The following SOX6 variants were observed in gnomAD, a reference collection of about 807,000 sequenced individuals.
SOX6 encodes the protein transcription factor SOX-6.
SOX6 carries 11 observed loss-of-function variants against 97.8 expected under a neutral mutation model. The ratio of observed to expected loss-of-function variants is 0.11; its 90% CI spans 0.07 to 0.19. The LOEUF (loss-of-function observed/expected upper bound fraction) is 0.19, where lower values mean the gene tolerates loss of function less well. Ranked by LOEUF, SOX6 falls within the 10% of genes least tolerant of loss-of-function variation. SOX6 has a pLI of 1.00. For missense variants in SOX6, 810 were observed against 1,039.5 expected, an observed-to-expected ratio of 0.78 and a Z score of 3.04; for synonymous variants, 360 against 371.4, an observed-to-expected ratio of 0.97 and a Z score of 0.35.
chr11:16,045,819 A>C (rs1210663503), intron 12 of SOX6, among the ~76,000 whole-genome samples: 1 of 152,186 alleles, frequency 6.6e-6, no homozygotes, highest in African/African-American at 2.4e-5. Context: ...TGCCAGCCCT[A>C]TAACACCCTA....
rs1282267718 is a variant in SOX6 at position 16,620,275 on chromosome 11, T to C, written n.430-8015A>G. On this transcript the variant is annotated intron_variant and non_coding_transcript_variant, in intron 3 of 5. Coordinates refer to the SOX6 transcript ENST00000524520. ...GTTTGTTTCTATTCTCTTTTTAAAA[T>C]AGCTTTTGTTAGAATAACATTTTAT... 3.9e-5 allele frequency among the ~76,000 whole-genome samples: 6 copies of C among 152,236 alleles called. No homozygotes were observed. In the East Asian group the frequency reaches 9.6e-4, roughly 24 times the overall value.
intron 1 of SOX6, among the ~76,000 whole-genome samples, chr11:16,738,216 G>C (rs1295410860): frequency 6.6e-6 from 1 of 151,966 alleles, no homozygotes; most frequent in Non-Finnish European, 1.5e-5. Context: ...GAGAACACCA[G>C]GGTGGAAATG....
At chr11:16,700,479 G>T (rs1428997860) in intron 3 of SOX6, among the ~76,000 whole-genome samples, 4 of 152,072 alleles carry the variant, frequency 2.6e-5, no homozygotes, top group Admixed American at 6.6e-5. Flanking sequence ...CATTTGCTTT[G>T]CCCCATCCCC....
intron 6 of SOX6, among the ~76,000 whole-genome samples, chr11:16,128,363 A>C (rs1403850926): frequency 6.6e-6 from 1 of 152,216 alleles, no homozygotes; most frequent in African/African-American, 2.4e-5. Context: ...CATATGTATA[A>C]TATTCATGTA....
intron 3 of SOX6, among the ~76,000 whole-genome samples, chr11:16,683,085 G>A (rs2134031056): frequency 6.6e-6 from 1 of 152,204 alleles, no homozygotes; most frequent in African/African-American, 2.4e-5. Context: ...AAATGAAAGA[G>A]GACACAAACA....
chr11:16,058,059 A>G (rs1334586506), intron 9 of SOX6, among the ~76,000 whole-genome samples: 1 of 151,392 alleles, frequency 6.6e-6, no homozygotes, highest in African/African-American at 2.4e-5. Context: ...TTCATTGATA[A>G]TTTTCTCTCC....
chr11:16,201,623 T>C (rs935491228), intron 4 of SOX6, among the ~76,000 whole-genome samples: 13 of 118,574 alleles, frequency 1.1e-4, no homozygotes, highest in African/African-American at 3.0e-4. Context: ...TTGCAAAGTA[T>C]TTTTTTTTTT....
At chr11:16,329,566 T>C (rs189714277) in intron 2 of SOX6, among the ~76,000 whole-genome samples, 15 of 152,324 alleles carry the variant, frequency 9.8e-5, no homozygotes, top group East Asian at 7.7e-4. Flanking sequence ...CTCTCATCCA[T>C]ATAAGCTCAG....
At chr11:16,037,253 G>T (rs1465020520) in intron 12 of SOX6, among the ~76,000 whole-genome samples, 3 of 152,154 alleles carry the variant, frequency 2.0e-5, no homozygotes, top group Non-Finnish European at 4.4e-5. Flanking sequence ...ACCTAGATGG[G>T]TCTGATTTAA....
chr11:16,630,797 TAAGTC>T (rs1848696110), intron 3 of SOX6, among the ~76,000 whole-genome samples: 1 of 152,240 alleles, frequency 6.6e-6, no homozygotes, highest in Non-Finnish European at 1.5e-5. Context: ...GTAGGACAGT[TAAGTC>T]TTCTTGTTGA....
intron 4 of SOX6, among the ~76,000 whole-genome samples, chr11:16,514,725 T>G (rs1164852671): frequency 8.2e-6 from 1 of 122,506 alleles, no homozygotes; most frequent in East Asian, 2.5e-4. Flanking sequence ...GTCCCCAGAG[T>G]GTGATGTTTC....
chr11:16,205,250 A>AATG, intron 4 of SOX6, among the ~76,000 whole-genome samples: 1 of 152,258 alleles, frequency 6.6e-6, no homozygotes, highest in East Asian at 1.9e-4. Flanking sequence ...CCATAGTTTA[A>AATG]ATGATATTTT....
At chr11:16,490,025 T>C (rs1860486070) in intron 4 of SOX6, among the ~76,000 whole-genome samples, 3 of 152,086 alleles carry the variant, frequency 2.0e-5, no homozygotes, top group African/African-American at 7.2e-5. Context: ...CTACATAAAA[T>C]ATCTAGCAAC....
chr11:16,365,184 T>C (rs1388452190), intron 1 of SOX6, among the ~76,000 whole-genome samples: 1 of 151,996 alleles, frequency 6.6e-6, no homozygotes, highest in Non-Finnish European at 1.5e-5. Flanking sequence ...TTTGTGTGTA[T>C]AGGAGAAAAA....
At chr11:16,076,439 G>A (rs1848354388) in intron 9 of SOX6, among the ~76,000 whole-genome samples, 1 of 151,056 alleles carries the variant, frequency 6.6e-6, no homozygotes. Context: ...GTAAAGAGTG[G>A]GCAAATTACA....
intron 4 of SOX6, among the ~76,000 whole-genome samples, chr11:16,197,447 T>A (rs1851813559): frequency 6.6e-6 from 1 of 152,216 alleles, no homozygotes. Context: ...TGAGTATATA[T>A]GATCAGGTAA....
At chr11:16,091,028 G>T (rs577294485) in intron 9 of SOX6, among the ~76,000 whole-genome samples, 1 of 152,188 alleles carries the variant, frequency 6.6e-6, no homozygotes, top group African/African-American at 2.4e-5. Flanking sequence ...TTTTGTAACA[G>T]TGCAAGACAA....
At chr11:16,042,336 C>T (rs1182600817) in intron 12 of SOX6, among the ~76,000 whole-genome samples, 1 of 152,114 alleles carries the variant, frequency 6.6e-6, no homozygotes, top group African/African-American at 2.4e-5. Flanking sequence ...GGTAGCTTTC[C>T]AGCGCCAGCA....
intron 9 of SOX6, among the ~76,000 whole-genome samples, chr11:16,079,757 C>T (rs566675968): frequency 6.7e-4 from 102 of 152,144 alleles, no homozygotes; most frequent in African/African-American, 2.5e-3. Flanking sequence ...ACTTTACTAA[C>T]CATCACTTTT....
Sources: allele counts gnomAD v4.1 joint callset (sites outside exome capture counted in the v4.1 genomes callset), GRCh38; gene constraint gnomAD v4.1.1; transcripts MANE v1.5; gene names NCBI Gene and HGNC (gene_info 2026-07-23, HGNC 2026-07-21).